POLR1B: variants seen among roughly 807,000 people sequenced by gnomAD.
POLR1B encodes DNA-directed RNA polymerase I subunit RPA2.
Under a neutral mutation model 105.8 loss-of-function variants are expected in POLR1B, and 30 were observed. That is an observed-to-expected ratio of 0.28 (90% CI 0.21 to 0.38). The LOEUF is 0.38. Ranked by LOEUF, POLR1B falls within the 10% of genes least tolerant of loss-of-function variation. The probability of loss-of-function intolerance (pLI) is 1.00; values close to 1 mark genes in which losing one functional copy is unlikely to be tolerated. For missense variants in POLR1B, 976 were observed against 1,435.8 expected (o/e 0.68, Z 5.17); for synonymous variants, 485 against 505.1 (o/e 0.96, Z 0.53).
chr2:112,545,832 G>A, intron 1 of POLR1B: 1 of 371,550 alleles, frequency 2.7e-6, no homozygotes, highest in East Asian at 1.2e-4. Flanking sequence ...TTTTTGTAGA[G>A]ACGGGGTCTC....
At chr2:112,570,718 A>G (rs1403454172) in intron 12 of POLR1B, among the ~76,000 whole-genome samples, 2 of 151,874 alleles carry the variant, frequency 1.3e-5, no homozygotes, top group African/African-American at 4.8e-5. Flanking sequence ...TGACTAAAAC[A>G]TTGTTATGCA....
intron 7 of POLR1B, among the ~76,000 whole-genome samples, chr2:112,555,154 C>A (rs1683592394): frequency 6.6e-6 from 1 of 152,066 alleles, no homozygotes; most frequent in Admixed American, 6.6e-5. Context: ...GCACTCCAGC[C>A]TGGGCGACAG....
chr2:112,543,355 C>G (rs1682862819), intron 1 of POLR1B, among the ~76,000 whole-genome samples: 2 of 126,212 alleles, frequency 1.6e-5, no homozygotes, highest in Non-Finnish European at 3.4e-5. Context: ...TGCTCCCTGT[C>G]GTGTTTGGGG....
Position 112,556,088 on chromosome 2 carries a change from A to G in POLR1B, c.1159-1822A>G, listed in dbSNP as rs77051818. On this transcript the variant is annotated intron_variant, in intron 7 of 14. Transcript: ENST00000263331. ...GTCAAGATCCAGGGCTTCTTATTCC[A>G]TCTTGACTGTGAAGATGAAGTGTTC... Among the ~76,000 whole-genome samples the G allele has an allele frequency of 8.8e-4, 134 of 152,360 alleles. 1 individual carries two copies. The highest frequency in any genetic ancestry group is 1.5e-3 in the Non-Finnish European group (99 of 68,026).
At position 112,546,544 on chromosome 2, in the gene POLR1B, C is replaced by CTTTT. The variant is rs869087985; in HGVS notation, c.178-436_178-433dup. Among the ~76,000 whole-genome samples the CTTTT allele has an allele frequency of 3.7e-3, 198 of 53,192 alleles. 41 individuals carry two copies. Among genetic ancestry groups the CTTTT allele is most frequent in the East Asian group, 7.5e-3 (10 of 1,326 alleles). The allele number at this position is 53,192 out of a possible 152,430, so 34.9% of individuals were successfully genotyped here. A position where few individuals can be genotyped will look rare whatever the true frequency, so the allele number is the denominator to read the frequency against. On this transcript the variant is annotated intron_variant, in intron 1 of 14. Transcript: ENST00000263331. ...GAAGTTATGAGTAGACTGGAGGTAG[C>CTTTT]TTTTTTTTTTTTTTTTTTTTTTTTT...
intron 12 of POLR1B, among the ~76,000 whole-genome samples, chr2:112,571,043 G>C (rs1174861647): frequency 6.6e-6 from 1 of 152,114 alleles, no homozygotes; most frequent in Admixed American, 6.5e-5. Flanking sequence ...GCCTCCCAAA[G>C]TGCTGGGATT....
At position 112,578,214 on chromosome 2, in the gene POLR1B, A is replaced by G. The variant is rs71414678; in HGVS notation, c.*2485A>G. 0.13 allele frequency among the ~76,000 whole-genome samples: 19,895 copies of G among 152,206 alleles called. 1,671 individuals carry two copies. Among genetic ancestry groups the G allele is most frequent in the African/African-American group, 0.23 (9,701 of 41,492 alleles). ...CACTCATTTGTGTTGCATGTGATAT[A>G]TAGTTCTATTTCATTTTATCACCTG... is the stretch of plus-strand genomic sequence containing the variant. On this transcript the variant is annotated 3_prime_UTR_variant, in exon 15 of 15. Coordinates refer to ENST00000263331, the MANE Select transcript of POLR1B (RefSeq NM_019014.6).
Position 112,559,584 on chromosome 2 carries a change from G to C in POLR1B, c.1612+10G>C. The C allele has an allele frequency of 6.2e-7, 1 of 1,608,516 alleles. No homozygotes were observed. On this transcript the variant is annotated intron_variant, in intron 9 of 14. Transcript: ENST00000263331. ...TTACTGTGCAACTTGGGTATGTAGT[G>C]TACAGTGATAAACATCTTGTTTGGT...
rs1052965901 is a variant in POLR1B at position 112,578,935 on chromosome 2, C to T, written c.*3206C>T. The stretch of plus-strand genomic sequence containing the variant: ...TGCATAAAGCAAAACTGGCTGGGTG[C>T]GGTGGTGCACACCTGTAATCCCAGG... On this transcript the variant is annotated 3_prime_UTR_variant, in exon 15 of 15. Transcript: ENST00000263331. 9.2e-5 allele frequency among the ~76,000 whole-genome samples: 14 copies of T among 151,988 alleles called. No homozygotes were observed. The highest frequency in any genetic ancestry group is 3.4e-4 in the African/African-American group (14 of 41,372).
intron 12 of POLR1B, among the ~76,000 whole-genome samples, chr2:112,569,236 A>C (rs1684461621): frequency 6.6e-6 from 1 of 152,220 alleles, no homozygotes; most frequent in Non-Finnish European, 1.5e-5. Context: ...ACAAGCAATT[A>C]TAGTCACCCG....
intron 12 of POLR1B, among the ~76,000 whole-genome samples, chr2:112,569,317 T>C (rs1459844316): frequency 3.9e-5 from 6 of 152,248 alleles, no homozygotes; most frequent in Non-Finnish European, 7.3e-5. Flanking sequence ...CAATTTTCCT[T>C]CAGCCTGATA....
chr2:112,574,066 A>C (rs1190111204), intron 14 of POLR1B, among the ~76,000 whole-genome samples: 2 of 152,018 alleles, frequency 1.3e-5, no homozygotes, highest in African/African-American at 2.4e-5. Flanking sequence ...GTAGGTCTCG[A>C]ACTCCTGGGC....
upstream of POLR1B, chr2:112,542,225 G>C: frequency 6.5e-7 from 1 of 1,535,688 alleles, no homozygotes; most frequent in African/African-American, 1.4e-5. Flanking sequence ...TCGCGAGCGG[G>C]GAGATGAGTG....
intron 1 of POLR1B, among the ~76,000 whole-genome samples, chr2:112,546,617 AGTGGC>A (rs2104507663): frequency 8.6e-6 from 1 of 115,902 alleles, no homozygotes; most frequent in South Asian, 3.0e-4. Context: ...GCTGGAGTGC[AGTGGC>A]GTGATCTCTG....
chr2:112,556,066 A>C (rs1683642788), intron 7 of POLR1B, among the ~76,000 whole-genome samples: 1 of 152,224 alleles, frequency 6.6e-6, no homozygotes. Context: ...ATCAGTTGTC[A>C]AGATCCAGGG....
chr2:112,564,385 A>C lies in POLR1B; in HGVS notation c.1632A>C (p.Gly544=). The C allele has an allele frequency of 6.2e-7, 1 of 1,614,016 alleles. No individual in the cohort carries two copies. The highest frequency in any genetic ancestry group is 8.5e-7 in the Non-Finnish European group (1 of 1,179,964). Residue 544 remains glycine (G), a synonymous_variant, in exon 10 of 15, where the codon GGA becomes GGC. Transcript: ENST00000263331. ...LCNLGVTPID[G]APHRSYSECY... ...TACCAGGGGTCACTCCCATTGATGG[A>C]GCTCCCCACCGATCATACAGTGAGT...
In POLR1B at chr2:112,545,518, G is replaced by A. The variant is rs555296184; in HGVS notation, c.178-1494G>A. On this transcript the variant is annotated intron_variant, in intron 1 of 14. Transcript: ENST00000263331. ...CAGTGGTTCAGTATTGGCTAATTCA[G>A]TGTTTATGGCAACTGTATAGAACAT... 3.3e-5 allele frequency among the ~76,000 whole-genome samples: 5 copies of A among 152,296 alleles called. No homozygotes were observed. In the South Asian group the frequency reaches 1.0e-3, roughly 32 times the overall value.
intron 10 of POLR1B, among the ~76,000 whole-genome samples, chr2:112,566,769 G>T: frequency 6.8e-6 from 1 of 147,162 alleles, no homozygotes; most frequent in Non-Finnish European, 1.5e-5. Context: ...GTCTCGCTCT[G>T]TCGCCCAGGC....
intron 9 of POLR1B, among the ~76,000 whole-genome samples, chr2:112,561,670 T>C (rs1487779688): frequency 1.3e-5 from 2 of 152,164 alleles, no homozygotes; most frequent in Non-Finnish European, 2.9e-5. Context: ...TAAAAATATA[T>C]ATTGTTCACG....
Sources: gnomAD v4.1 joint callset for allele counts (sites outside exome capture counted in the v4.1 genomes callset) on GRCh38, gnomAD v4.1.1 for gene constraint, MANE v1.5 for transcripts, NCBI Gene and HGNC (gene_info 2026-07-23, HGNC 2026-07-21) for gene names.